Variants in SDK1 observed in about 807,000 individuals in gnomAD.
The protein encoded by SDK1 is sidekick cell adhesion molecule 1, also known as protein sidekick-1.
Under a neutral mutation model 245.5 loss-of-function variants are expected in SDK1, and 157 were observed. That is an observed-to-expected ratio of 0.64 (90% CI 0.56 to 0.73). SDK1 has a LOEUF of 0.73. SDK1 is among the 30% of genes least tolerant of loss of function. SDK1 has a pLI of 0.00. For missense variants in SDK1, 3,583 were observed against 3,002.3 expected, an observed-to-expected ratio of 1.19 and a Z score of -4.52; for synonymous variants, 1,647 against 1,278.5, an observed-to-expected ratio of 1.29 and a Z score of -6.15.
intron 1 of SDK1, among the ~76,000 whole-genome samples, chr7:3,470,519 A>G (rs1199397176): frequency 1.3e-5 from 2 of 152,154 alleles, no homozygotes; most frequent in African/African-American, 4.8e-5. Context: ...AAAATAAAAT[A>G]TATACAGAAG....
At chr7:3,920,989 C>T (rs1779566355) in intron 5 of SDK1, among the ~76,000 whole-genome samples, 1 of 152,168 alleles carries the variant, frequency 6.6e-6, no homozygotes, top group African/African-American at 2.4e-5. Flanking sequence ...AACAGATAAA[C>T]TATAGATCAA....
At position 4,204,978 on chromosome 7, in the gene SDK1, C is replaced by T. The variant is rs564824774; in HGVS notation, c.5099-901C>T. ...GGCTGTGTGGTGAGGTGCGGAGGTG[C>T]GGCCACACCCCTAATGGCGGTGTGG... On this transcript the variant is annotated intron_variant, in intron 35 of 44. Transcript: ENST00000404826. 3.4e-4 allele frequency among the ~76,000 whole-genome samples: 52 copies of T among 152,106 alleles called. No homozygotes were observed. In the South Asian group the frequency reaches 6.0e-3, roughly 18 times the overall value.
At chr7:4,153,721 G>A (rs1466274491) in intron 30 of SDK1, among the ~76,000 whole-genome samples, 1 of 152,120 alleles carries the variant, frequency 6.6e-6, no homozygotes, top group Non-Finnish European at 1.5e-5. Context: ...CTGTCACCTG[G>A]GCTGGAGTGC....
At chr7:4,094,580 C>G (rs1360447700) in intron 22 of SDK1, among the ~76,000 whole-genome samples, 2 of 152,228 alleles carry the variant, frequency 1.3e-5, no homozygotes, top group Non-Finnish European at 2.9e-5. Flanking sequence ...AAGCAAGATA[C>G]CAAGACCTCA....
intron 4 of SDK1, among the ~76,000 whole-genome samples, chr7:3,726,623 T>C (rs1583347034): frequency 6.6e-6 from 1 of 152,240 alleles, no homozygotes; most frequent in Admixed American, 6.5e-5. Context: ...TAAGTTATGT[T>C]AAAAAACAAC....
chr7:4,140,977 G>A (rs1186835493), intron 28 of SDK1, among the ~76,000 whole-genome samples: 2 of 152,190 alleles, frequency 1.3e-5, no homozygotes, highest in Non-Finnish European at 2.9e-5. Context: ...CAAGAGATGA[G>A]AACTGAGAGT....
chr7:3,637,910 G>A (rs577644719), intron 2 of SDK1, among the ~76,000 whole-genome samples: 17 of 152,350 alleles, frequency 1.1e-4, no homozygotes, highest in Admixed American at 6.5e-5. Context: ...GACGAGTTCT[G>A]TATCTCATCC....
rs745489296 is a variant in SDK1 at position 3,951,731 on chromosome 7, C to G, written c.961C>G (p.Pro321Ala). The stretch of plus-strand genomic sequence containing the variant: ...CATGAATGCCTTTCATTCCCACAGG[C>G]CTGTGGAGGACCTGAGTGTGACCTG... ...TTLECIASAR[P>A]VEDLSVTWKR... The change falls in exon 7 of 45, where the codon CCT becomes GCT. Residue 321 changes from proline to alanine, a missense_variant and splice_region_variant. Physicochemically the swap from Pro to Ala is conservative, Grantham distance 27. Coordinates refer to ENST00000404826, the MANE Select transcript of SDK1 (RefSeq NM_152744.4). The G allele has an allele frequency of 3.1e-6, 5 of 1,612,512 alleles. No homozygotes were observed. In the South Asian group the frequency reaches 5.5e-5, roughly 18 times the overall value.
At chr7:3,480,394 A>G (rs1212598981) in intron 1 of SDK1, among the ~76,000 whole-genome samples, 1 of 148,536 alleles carries the variant, frequency 6.7e-6, no homozygotes, top group Non-Finnish European at 1.5e-5. Flanking sequence ...CGTGTTCCGG[A>G]TAAGCTGCCT....
At chr7:3,763,456 C>G (rs1219686870) in intron 4 of SDK1, among the ~76,000 whole-genome samples, 2 of 152,114 alleles carry the variant, frequency 1.3e-5, no homozygotes, top group Admixed American at 6.5e-5. Flanking sequence ...TTCATCGCAT[C>G]TATACATCTT....
chr7:3,358,783 C>T (rs1780876086), intron 1 of SDK1, among the ~76,000 whole-genome samples: 1 of 152,152 alleles, frequency 6.6e-6, no homozygotes, highest in Admixed American at 6.5e-5. Context: ...AAGAATGTGT[C>T]CTAGATGGAG....
chr7:4,150,643 T>TAGGG (rs1780301736), intron 30 of SDK1, among the ~76,000 whole-genome samples: 1 of 152,194 alleles, frequency 6.6e-6, no homozygotes, highest in Non-Finnish European at 1.5e-5. Context: ...AACCTGAATG[T>TAGGG]AGGGAGGGAG....
At chr7:4,099,869 C>T (rs954747092) in intron 22 of SDK1, among the ~76,000 whole-genome samples, 2 of 151,766 alleles carry the variant, frequency 1.3e-5, no homozygotes, top group African/African-American at 4.8e-5. Flanking sequence ...ACCGTGGCTG[C>T]TGGTCACCGA....
At chr7:3,790,198 AC>A (rs1252200645) in intron 4 of SDK1, among the ~76,000 whole-genome samples, 1 of 152,150 alleles carries the variant, frequency 6.6e-6, no homozygotes, top group Non-Finnish European at 1.5e-5. Context: ...TGTTTATGTC[AC>A]AGTTTAGAAG....
At position 4,266,903 on chromosome 7, in the gene SDK1, C is replaced by T; in HGVS notation, c.*1519C>T. The T allele has an allele frequency of 1.0e-6, 1 of 985,534 alleles. No individual in the cohort carries two copies. The highest frequency in any genetic ancestry group is 1.2e-6 in the Non-Finnish European group (1 of 829,992). The allele number at this position is 985,534 out of a possible 1,614,324, so 61.0% of individuals were successfully genotyped here. A position where few individuals can be genotyped will look rare whatever the true frequency, so the allele number is the denominator to read the frequency against. Reference sequence around the variant, plus strand: ...ACGGCAAACGGGCAGGTGCCGTTCCCCCAGTGACCTGAGGGTAGGGGACAA... The same window carrying T: ...ACGGCAAACGGGCAGGTGCCGTTCCTCCAGTGACCTGAGGGTAGGGGACAA... On this transcript the variant is annotated 3_prime_UTR_variant, in exon 45 of 45. Transcript: ENST00000404826.
At chr7:3,317,001 A>C (rs1217007360) in intron 1 of SDK1, among the ~76,000 whole-genome samples, 1 of 151,630 alleles carries the variant, frequency 6.6e-6, no homozygotes, top group Non-Finnish European at 1.5e-5. Context: ...GCAACATGGC[A>C]ATACCCTGTC....
At chr7:3,515,975 A>G (rs374884081) in intron 1 of SDK1, among the ~76,000 whole-genome samples, 15 of 152,272 alleles carry the variant, frequency 9.9e-5, no homozygotes, top group African/African-American at 3.6e-4. Flanking sequence ...CTTTCTGCAC[A>G]TGTCATTTCT....
chr7:3,704,444 C>T (rs1045369675), intron 4 of SDK1, among the ~76,000 whole-genome samples: 2 of 151,136 alleles, frequency 1.3e-5, no homozygotes, highest in Admixed American at 1.3e-4. Flanking sequence ...ATTTGCATTT[C>T]CCTGATGATT....
chr7:3,699,482 T>G (rs1268001101), intron 4 of SDK1, among the ~76,000 whole-genome samples: 3 of 152,076 alleles, frequency 2.0e-5, no homozygotes, highest in Admixed American at 6.6e-5. Flanking sequence ...ACTAGAAAAT[T>G]TAATAAATTC....
Sources: gnomAD v4.1 joint callset for allele counts (sites outside exome capture counted in the v4.1 genomes callset) on GRCh38, gnomAD v4.1.1 for gene constraint, MANE v1.5 for transcripts, NCBI Gene and HGNC (gene_info 2026-07-23, HGNC 2026-07-21) for gene names.